LAMA1: variants seen among roughly 807,000 people sequenced by gnomAD.
LAMA1 encodes the protein laminin subunit alpha-1.
A neutral mutation model predicts 348.7 loss-of-function variants in LAMA1; 219 were observed. That is an observed-to-expected ratio of 0.63 (90% CI 0.56 to 0.70). The LOEUF is 0.70. Ranked by LOEUF, LAMA1 falls within the 30% of genes least tolerant of loss-of-function variation. The pLI is 0.00. For synonymous variants in LAMA1, 1,487 were observed against 1,491.0 expected (o/e 1.00, Z 0.06); for missense variants, 3,744 against 3,888.0 (o/e 0.96, Z 0.99).
At chr18:6,964,557 T>C (rs931339293) in intron 51 of LAMA1, 105 bp downstream of exon 51, 3 of 1,338,732 alleles carry the variant, frequency 2.2e-6, no homozygotes, top group African/African-American at 2.9e-5. Context: ...AAAGAATAAA[T>C]TAGTGTTGTT....
intron 3 of LAMA1, among the ~76,000 whole-genome samples, chr18:7,073,980 A>C (rs1041156988): frequency 2.0e-5 from 3 of 152,124 alleles, no homozygotes; most frequent in African/African-American, 7.2e-5. Flanking sequence ...GATTATAGGC[A>C]TTGGCCACCA....
chr18:7,077,498 C>G (rs2058174311), intron 3 of LAMA1, among the ~76,000 whole-genome samples: 1 of 152,084 alleles, frequency 6.6e-6, no homozygotes, highest in South Asian at 2.1e-4. Context: ...AGCCACTGCA[C>G]CTGGCTGTCT....
chr18:6,973,833 C>T (rs928566974), intron 46 of LAMA1, among the ~76,000 whole-genome samples: 9 of 152,300 alleles, frequency 5.9e-5, no homozygotes, highest in Admixed American at 3.9e-4. Context: ...CAGACTGGAA[C>T]GCAGTGGTGT....
intron 41 of LAMA1, 77 bp downstream of exon 41, chr18:6,982,420 A>G: frequency 8.7e-7 from 1 of 1,154,952 alleles, no homozygotes; most frequent in Non-Finnish European, 1.3e-6. Flanking sequence ...GCATGCAAGG[A>G]GAACATTCTT....
At chr18:7,007,366 A>T (rs2057837176) in intron 28 of LAMA1, 90 bp from the exon 29 acceptor site, 2 of 1,302,668 alleles carry the variant, frequency 1.5e-6, no homozygotes, top group South Asian at 2.8e-5. Flanking sequence ...AGACATACAA[A>T]TGGCCAACAG....
intron 19 of LAMA1, among the ~76,000 whole-genome samples, chr18:7,017,627 C>T (rs556277979): frequency 1.3e-5 from 2 of 152,246 alleles, no homozygotes; most frequent in East Asian, 3.9e-4. Context: ...CAATAATTAG[C>T]GAATTCGCTT....
chr18:6,995,250 G>T, intron 34 of LAMA1, 107 bp downstream of exon 34: 1 of 793,868 alleles, frequency 1.3e-6, no homozygotes, highest in Non-Finnish European at 2.3e-6. Context: ...GGAGGAAGAG[G>T]CTGGCATGAT....
At chr18:7,112,641 ATTT>A (rs34638671) in intron 1 of LAMA1, among the ~76,000 whole-genome samples, 1 of 144,990 alleles carries the variant, frequency 6.9e-6, no homozygotes, top group Non-Finnish European at 1.5e-5. Flanking sequence ...ATATATATAC[ATTT>A]TTTTTTTTTG....
At chr18:7,056,723 C>T (rs997883497) in intron 3 of LAMA1, among the ~76,000 whole-genome samples, 50 of 152,274 alleles carry the variant, frequency 3.3e-4, no homozygotes, top group African/African-American at 1.2e-3. Flanking sequence ...ATATGTTAAG[C>T]ATAGTGGCAG....
intron 1 of LAMA1, among the ~76,000 whole-genome samples, chr18:7,088,289 G>A (rs2058225708): frequency 6.6e-6 from 1 of 151,988 alleles, no homozygotes. Flanking sequence ...TCTTGCTGCT[G>A]TTGGCTTTGC....
intron 1 of LAMA1, among the ~76,000 whole-genome samples, chr18:7,111,045 G>A (rs1205481219): frequency 1.3e-5 from 2 of 152,180 alleles, no homozygotes; most frequent in African/African-American, 4.8e-5. Flanking sequence ...TTTCGGGAAT[G>A]AGAAAAGATG....
intron 41 of LAMA1, 47 bp from the exon 42 acceptor site, chr18:6,980,684 A>G (rs1207994794): frequency 1.7e-6 from 2 of 1,211,108 alleles, no homozygotes; most frequent in Non-Finnish European, 1.2e-6. Context: ...GCCTACAAAA[A>G]AGTTGCCTAG....
chr18:6,977,506 T>C (rs1271737495), intron 44 of LAMA1, among the ~76,000 whole-genome samples: 1 of 152,216 alleles, frequency 6.6e-6, no homozygotes, highest in East Asian at 1.9e-4. Flanking sequence ...CTAACAACAT[T>C]TTGAAGCATG....
chr18:6,965,957 G>A (rs1600355187), intron 49 of LAMA1, 190 bp downstream of exon 49: 3 of 639,886 alleles, frequency 4.7e-6, no homozygotes, highest in Non-Finnish European at 7.9e-6. Flanking sequence ...GTTCTACAAT[G>A]ATAATAAATA....
chr18:7,101,840 AT>A (rs34199422), intron 1 of LAMA1, among the ~76,000 whole-genome samples: 48,971 of 131,584 alleles, frequency 0.37, 8,595 homozygotes, highest in African/African-American at 0.55. Context: ...GCTAATTTCT[AT>A]TTTTTTTTTT....
chr18:6,974,891 A>C lies in LAMA1; in HGVS notation c.6623+12T>G. 1 of 1,614,100 alleles carries C rather than the reference A, an allele frequency of 6.2e-7. No individual in the cohort carries two copies. ...AAAAAGAGAGCTGCTTTGAGAGAAC[A>C]TTCTCTTCTACCTGGCTACATGGAT... On this transcript the variant is annotated intron_variant, in intron 46 of 62. Transcript: ENST00000389658.
intron 1 of LAMA1, among the ~76,000 whole-genome samples, chr18:7,115,824 A>AAAAAAAAAG (rs2058353854): frequency 6.7e-6 from 1 of 149,382 alleles, no homozygotes; most frequent in Non-Finnish European, 1.5e-5. Context: ...CAAAAAAAAA[A>AAAAAAAAAG]AAAAAAAAAT....
Position 6,949,279 on chromosome 18 carries a change from T to G in LAMA1, c.8398-20A>C. 6.2e-7 allele frequency: 1 copy of G among 1,613,914 alleles called. No homozygotes were observed. The highest frequency in any genetic ancestry group is 8.5e-7 in the Non-Finnish European group (1 of 1,179,810). ...CTTGACCTACAGCAAAGTGAAAACATGCATAATTTTTGAGGAATCTGAAAA... is the reference window on the plus strand; with the variant it reads ...CTTGACCTACAGCAAAGTGAAAACAGGCATAATTTTTGAGGAATCTGAAAA... On this transcript the variant is annotated intron_variant, in intron 58 of 62. Transcript: ENST00000389658.
intron 23 of LAMA1, 26 bp downstream of exon 23, chr18:7,013,789 G>T: frequency 6.2e-7 from 1 of 1,604,506 alleles, no homozygotes; most frequent in South Asian, 1.1e-5. Flanking sequence ...GAGACAGGAT[G>T]AAAGAGGAGG....
Sources: allele counts gnomAD v4.1 joint callset (sites outside exome capture counted in the v4.1 genomes callset), GRCh38; gene constraint gnomAD v4.1.1; transcripts MANE v1.5; gene names NCBI Gene and HGNC (gene_info 2026-07-23, HGNC 2026-07-21).